LRRC4C: variants seen among roughly 807,000 people sequenced by gnomAD.
The protein encoded by LRRC4C is leucine rich repeat containing 4C.
LRRC4C carries 5 observed loss-of-function variants against 33.6 expected under a neutral mutation model. That is an observed-to-expected ratio of 0.15 (90% CI 0.08 to 0.31). The LOEUF is 0.31. LRRC4C is among the 10% of genes least tolerant of loss of function. LRRC4C has a pLI of 1.00. For missense variants in LRRC4C, 560 were observed against 796.7 expected, an observed-to-expected ratio of 0.70 and a Z score of 3.58; for synonymous variants, 329 against 302.0, an observed-to-expected ratio of 1.09 and a Z score of -0.93.
At chr11:40,409,978 C>T (rs71484104) in intron 3 of LRRC4C, among the ~76,000 whole-genome samples, 468 of 152,036 alleles carry the variant, frequency 3.1e-3, no homozygotes, top group Non-Finnish European at 5.2e-3. Flanking sequence ...TTTTATTAGT[C>T]AATTAAAATA....
intron 2 of LRRC4C, among the ~76,000 whole-genome samples, chr11:40,713,073 T>A (rs1946545232): frequency 6.9e-6 from 1 of 144,112 alleles, no homozygotes; most frequent in East Asian, 2.1e-4. Context: ...TTTTTTTTTT[T>A]AGTAGAGATT....
intron 1 of LRRC4C, among the ~76,000 whole-genome samples, chr11:41,058,420 C>T (rs546286807): frequency 6.6e-6 from 1 of 152,374 alleles, no homozygotes; most frequent in African/African-American, 2.4e-5. Context: ...GCACCCCTTA[C>T]TGTTCCATGC....
At chr11:41,303,543 CGCCCA>C in intron 1 of LRRC4C, among the ~76,000 whole-genome samples, 1 of 101,492 alleles carries the variant, frequency 9.9e-6, no homozygotes, top group East Asian at 3.0e-4. Flanking sequence ...TCTGCCTGGC[CGCCCA>C]TCGTCTGGGA....
At chr11:40,455,885 A>G (rs1481563171) in intron 3 of LRRC4C, among the ~76,000 whole-genome samples, 2 of 152,118 alleles carry the variant, frequency 1.3e-5, no homozygotes, top group Non-Finnish European at 2.9e-5. Context: ...AACTGCATGG[A>G]GATGAATATT....
chr11:40,858,252 G>C (rs1229357275), intron 2 of LRRC4C, among the ~76,000 whole-genome samples: 1 of 152,068 alleles, frequency 6.6e-6, no homozygotes, highest in African/African-American at 2.4e-5. Context: ...GACGTAACTG[G>C]GCAAAATGTG....
At chr11:41,266,200 A>T (rs889154016) in intron 1 of LRRC4C, among the ~76,000 whole-genome samples, 5 of 152,158 alleles carry the variant, frequency 3.3e-5, no homozygotes, top group African/African-American at 1.2e-4. Flanking sequence ...GAACATGGAA[A>T]TTTGATCAAA....
intron 2 of LRRC4C, among the ~76,000 whole-genome samples, chr11:40,699,508 C>T (rs1477954824): frequency 6.6e-6 from 1 of 152,166 alleles, no homozygotes; most frequent in African/African-American, 2.4e-5. Flanking sequence ...CACATATATG[C>T]CATCCCATTT....
intron 3 of LRRC4C, among the ~76,000 whole-genome samples, chr11:40,468,538 T>G (rs959149171): frequency 6.6e-6 from 1 of 152,336 alleles, no homozygotes; most frequent in East Asian, 1.9e-4. Context: ...CAACTGGGCT[T>G]ATAGCCTAGC....
At chr11:41,370,214 T>C (rs1952693214) in intron 1 of LRRC4C, among the ~76,000 whole-genome samples, 1 of 152,094 alleles carries the variant, frequency 6.6e-6, no homozygotes, top group South Asian at 2.1e-4. Flanking sequence ...AGGGTCTCAC[T>C]CTATCACCCA....
rs73469394 is a variant in LRRC4C, at chr11:40,676,651, C to T, written c.-406-28373G>A. Among the ~76,000 whole-genome samples the T allele has an allele frequency of 1.8e-4, 27 of 152,270 alleles. 1 individual carries two copies. The highest frequency in any genetic ancestry group is 6.5e-4 in the African/African-American group (27 of 41,564). On this transcript the variant is annotated intron_variant, in intron 2 of 6. Transcript: ENST00000528697. The stretch of plus-strand genomic sequence containing the variant: ...TCAGCATTATAAGATGGCTATCATG[C>T]CTCTTCTCAGTCCTTCTTTTAGGCT...
chr11:40,876,798 G>C (rs1329053257), intron 2 of LRRC4C, among the ~76,000 whole-genome samples: 1 of 151,758 alleles, frequency 6.6e-6, no homozygotes, highest in East Asian at 1.9e-4. Context: ...ATCTACTAGG[G>C]AGGCTGAGGC....
At position 40,667,065 on chromosome 11, in the gene LRRC4C, G is replaced by A. The variant is rs1943848420; in HGVS notation, c.-406-18787C>T. ...GTCATAAATGTAGATTATTCAAAAT[G>A]TAGTTGCACTCACCAAAAAAATCTG... On this transcript the variant is annotated intron_variant, in intron 2 of 6. Coordinates refer to ENST00000528697, the MANE Select transcript of LRRC4C (RefSeq NM_001258419.2). Among the ~76,000 whole-genome samples, 3 of 152,260 alleles carry A rather than the reference G, an allele frequency of 2.0e-5. No individual in the cohort carries two copies. In the South Asian group the frequency reaches 6.2e-4, roughly 32 times the overall value.
At position 40,758,572 on chromosome 11, in the gene LRRC4C, T is replaced by C. The variant is rs571172005; in HGVS notation, c.-406-110294A>G. Among the ~76,000 whole-genome samples the C allele has an allele frequency of 2.6e-5, 4 of 152,066 alleles. No homozygotes were observed. In the South Asian group the frequency reaches 8.3e-4, roughly 32 times the overall value. On this transcript the variant is annotated intron_variant, in intron 2 of 6. Transcript: ENST00000528697. ...TTTGAATTAATATATTAGTAATGAGTGTTTTGCAAATAGTGCATTTAATAG... is the reference window on the plus strand; with the variant it reads ...TTTGAATTAATATATTAGTAATGAGCGTTTTGCAAATAGTGCATTTAATAG...
At chr11:40,861,742 T>C (rs1954113324) in intron 2 of LRRC4C, among the ~76,000 whole-genome samples, 1 of 152,322 alleles carries the variant, frequency 6.6e-6, no homozygotes, top group East Asian at 1.9e-4. Flanking sequence ...CTGCAGACTA[T>C]ACAAGATGCA....
At chr11:41,233,051 T>G (rs1455514027) in intron 1 of LRRC4C, among the ~76,000 whole-genome samples, 1 of 152,026 alleles carries the variant, frequency 6.6e-6, no homozygotes, top group Non-Finnish European at 1.5e-5. Flanking sequence ...AAAAGCTAAG[T>G]AAAACCATTA....
chr11:41,275,353 G>T (rs2136880106), intron 1 of LRRC4C, among the ~76,000 whole-genome samples: 1 of 152,214 alleles, frequency 6.6e-6, no homozygotes, highest in South Asian at 2.1e-4. Flanking sequence ...ATAATGGGGT[G>T]AAATATAGTA....
At chr11:40,905,811 G>T (rs1956389256) in intron 2 of LRRC4C, among the ~76,000 whole-genome samples, 1 of 152,208 alleles carries the variant, frequency 6.6e-6, no homozygotes, top group Non-Finnish European at 1.5e-5. Context: ...TGGCAAAGAT[G>T]CTGTGCCTAT....
intron 1 of LRRC4C, among the ~76,000 whole-genome samples, chr11:41,404,544 A>G (rs1954154636): frequency 9.4e-6 from 1 of 106,154 alleles, no homozygotes; most frequent in Non-Finnish European, 1.9e-5. Context: ...AGACACACAC[A>G]CACACACACA....
chr11:40,819,510 T>C (rs969066794), intron 2 of LRRC4C, among the ~76,000 whole-genome samples: 4 of 152,138 alleles, frequency 2.6e-5, no homozygotes, highest in African/African-American at 9.7e-5. Flanking sequence ...ACAAAGCCTA[T>C]TGGTGTTGTT....
Sources: gnomAD v4.1 joint callset for allele counts (sites outside exome capture counted in the v4.1 genomes callset) on GRCh38, gnomAD v4.1.1 for gene constraint, MANE v1.5 for transcripts, NCBI Gene and HGNC (gene_info 2026-07-23, HGNC 2026-07-21) for gene names.